The following TADA1 variants were observed in gnomAD, a reference collection of about 807,000 sequenced individuals.
TADA1 encodes transcriptional adapter 1.
A neutral mutation model predicts 39.3 loss-of-function variants in TADA1; 23 were observed. The observed-to-expected ratio is 0.58, with a 90% CI of 0.42 to 0.83. TADA1 has a LOEUF of 0.83. Ranked by LOEUF, TADA1 falls within the 40% of genes least tolerant of loss-of-function variation. The pLI, the probability that TADA1 is intolerant of heterozygous loss-of-function variation, is 0.00. For missense variants in TADA1, 352 were observed against 408.1 expected (o/e 0.86, Z 1.18); for synonymous variants, 137 against 151.8 (o/e 0.90, Z 0.72).
chr1:166,875,408 ACAG>A (rs1338073176), intron 1 of TADA1, among the ~76,000 whole-genome samples: 1 of 152,112 alleles, frequency 6.6e-6, no homozygotes, highest in African/African-American at 2.4e-5. Flanking sequence ...GGGATCCTTT[ACAG>A]CCCCTCTAAT....
At chr1:166,875,780 C>T (rs536027027) in intron 1 of TADA1, among the ~76,000 whole-genome samples, 1 of 152,210 alleles carries the variant, frequency 6.6e-6, no homozygotes, top group Non-Finnish European at 1.5e-5. Flanking sequence ...TGCGCTATGC[C>T]CTCTGGCTGG....
At chr1:166,866,529 T>C (rs1271530203) in intron 3 of TADA1, among the ~76,000 whole-genome samples, 1 of 152,222 alleles carries the variant, frequency 6.6e-6, no homozygotes, top group East Asian at 1.9e-4. Context: ...TTACTTGTAA[T>C]AGAAATCTTC....
intron 1 of TADA1, among the ~76,000 whole-genome samples, chr1:166,871,080 A>G (rs929867691): frequency 1.3e-5 from 2 of 152,250 alleles, no homozygotes. Flanking sequence ...CTGGCTGAAA[A>G]AAAAATGGGT....
Position 166,863,949 on chromosome 1 carries a change from G to A in TADA1, c.233-28C>T, listed in dbSNP as rs1007315041. The stretch of plus-strand genomic sequence containing the variant: ...AGGAGACAGAAATATATAACCATAA[G>A]TAAAAATAATGACAACTGATAACTG... On this transcript the variant is annotated intron_variant, in intron 3 of 7. Transcript: ENST00000367874. 5 of 1,558,144 alleles carry A rather than the reference G, an allele frequency of 3.2e-6. No homozygotes were observed. The African/African-American group carries it at 5.6e-5, about 18-fold the overall frequency.
intron 1 of TADA1, among the ~76,000 whole-genome samples, chr1:166,873,335 C>T (rs1450063115): frequency 6.6e-6 from 1 of 151,932 alleles, no homozygotes; most frequent in Non-Finnish European, 1.5e-5. Context: ...AATCAGGCAC[C>T]TATTTGAACA....
At position 166,857,857 on chromosome 1, in the gene TADA1, GATA is replaced by G. The variant is rs374054181; in HGVS notation, c.856-141_856-139del. ...ATACACTAAAATGAATCACCAATTG[GATA>G]ATAATAAGGAAATAACAAGCTTCTG... On this transcript the variant is annotated intron_variant, in intron 7 of 7. Transcript: ENST00000367874. The G allele has an allele frequency of 6.7e-6, 7 of 1,038,216 alleles. No individual in the cohort carries two copies. In the East Asian group the frequency reaches 1.0e-4, roughly 15 times the overall value. 64.3% of individuals were successfully genotyped at this position (1,038,216 alleles called of 1,614,324 possible).
At chr1:166,858,324 C>G (rs764115319) in intron 6 of TADA1, 43 bp from the exon 7 acceptor site, 1 of 1,467,796 alleles carries the variant, frequency 6.8e-7, no homozygotes, top group Non-Finnish European at 9.1e-7. Context: ...ACAGAGACAA[C>G]TGAGCAACAA....
At position 166,860,265 on chromosome 1, in the gene TADA1, T is replaced by G; in HGVS notation, c.613A>C (p.Lys205Gln). The change falls in exon 6 of 8, where the codon AAA (lysine) becomes CAA (glutamine). Residue 205 changes from lysine (K) to glutamine (Q), a missense_variant. Around this residue, in one of 3 missense-constraint regions of TADA1, gnomAD observed 285 missense variants for 310.9 expected, o/e 0.92. Transcript: ENST00000367874. Reference protein sequence around the residue: ...KAYRLRDGHFKYAFGSNVTPQ... With the variant: ...KAYRLRDGHFQYAFGSNVTPQ... ...GTCACGTTACTGCCAAAGGCATATT[T>G]AAAATGACCATCTCGTAACCGATAA... 6.2e-7 allele frequency: 1 copy of G among 1,614,174 alleles called. No individual in the cohort carries two copies. Among genetic ancestry groups the G allele is most frequent in the South Asian group, 1.1e-5 (1 of 91,080 alleles).
In TADA1 at chr1:166,869,528, G is replaced by C; in HGVS notation, c.167-18C>G. The stretch of plus-strand genomic sequence containing the variant: ...AGAATGGACTGAAAAAGGAAAGATA[G>C]TGACAATCAAATTCAAAACATTTTC... On this transcript the variant is annotated intron_variant, in intron 2 of 7. Coordinates refer to ENST00000367874, the MANE Select transcript of TADA1 (RefSeq NM_053053.4). The C allele has an allele frequency of 6.2e-7, 1 of 1,611,712 alleles. No individual in the cohort carries two copies. Among genetic ancestry groups the C allele is most frequent in the Non-Finnish European group, 8.5e-7 (1 of 1,178,432 alleles).
chr1:166,863,696 T>C (rs1158941144), intron 4 of TADA1, 128 bp downstream of exon 4: 3 of 849,784 alleles, frequency 3.5e-6, no homozygotes, highest in African/African-American at 3.5e-5. Flanking sequence ...ACGCTTTTCT[T>C]CCCAAATCAT....
intron 3 of TADA1, among the ~76,000 whole-genome samples, chr1:166,868,156 T>C (rs1396883246): frequency 6.6e-6 from 1 of 152,214 alleles, no homozygotes; most frequent in Non-Finnish European, 1.5e-5. Flanking sequence ...GTATGACTTT[T>C]ATCATGAGGA....
intron 1 of TADA1, among the ~76,000 whole-genome samples, chr1:166,875,830 C>T (rs1320286697): frequency 6.6e-6 from 1 of 152,248 alleles, no homozygotes; most frequent in Non-Finnish European, 1.5e-5. Flanking sequence ...AGTCAGCCTC[C>T]CGCATCCCGC....
At chr1:166,871,240 G>C (rs1229097958) in intron 1 of TADA1, among the ~76,000 whole-genome samples, 1 of 152,164 alleles carries the variant, frequency 6.6e-6, no homozygotes, top group Non-Finnish European at 1.5e-5. Flanking sequence ...AGGAATTAGA[G>C]TGAAATAATG....
chr1:166,868,126 A>C (rs1353507662), intron 3 of TADA1, among the ~76,000 whole-genome samples: 1 of 152,098 alleles, frequency 6.6e-6, no homozygotes, highest in Admixed American at 6.5e-5. Context: ...CATTTGGCCT[A>C]ATTTTTTTTA....
At position 166,862,334 on chromosome 1, in the gene TADA1, T is replaced by G. The variant is rs1348269093; in HGVS notation, c.409A>C (p.Lys137Gln). 1.9e-6 allele frequency: 3 copies of G among 1,614,214 alleles called. No homozygotes were observed. In the Admixed American group the frequency reaches 5.0e-5, roughly 27 times the overall value. The change falls in exon 5 of 8, where the codon AAA (lysine) becomes CAA (glutamine). Residue 137 changes from lysine to glutamine, a missense_variant. This residue lies in a region of TADA1 where 285 missense variants were observed against 310.9 expected (regional missense o/e 0.92). Coordinates refer to ENST00000367874, the MANE Select transcript of TADA1 (RefSeq NM_053053.4). ...AKDPQDDDDLKLCSHTMMLPT... is the reference protein window; with the variant it reads ...AKDPQDDDDLQLCSHTMMLPT... The stretch of plus-strand genomic sequence containing the variant: ...AGCATCATTGTGTGGGAACAAAGTT[T>G]CAAGTCGTCATCATCTTGGGGATCC...
intron 7 of TADA1, 46 bp from the exon 8 acceptor site, chr1:166,857,765 T>C (rs773379104): frequency 1.3e-6 from 2 of 1,589,216 alleles, no homozygotes; most frequent in Non-Finnish European, 1.7e-6. Context: ...TTGAGTAGAC[T>C]TATTTTTCTG....
At chr1:166,862,504 T>A (rs980529734) in intron 4 of TADA1, 92 bp from the exon 5 acceptor site, 1 of 1,004,502 alleles carries the variant, frequency 1.0e-6, no homozygotes, top group Non-Finnish European at 1.5e-6. Context: ...ATCCTCCAAA[T>A]TAATGCCACC....
intron 1 of TADA1, among the ~76,000 whole-genome samples, chr1:166,871,182 C>G (rs1658650251): frequency 6.6e-6 from 1 of 152,006 alleles, no homozygotes; most frequent in Admixed American, 6.6e-5. Flanking sequence ...TACTTGGTAA[C>G]TGGTAGAAAA....
chr1:166,858,961 G>A (rs926867528), intron 6 of TADA1, among the ~76,000 whole-genome samples: 2 of 152,242 alleles, frequency 1.3e-5, no homozygotes, highest in African/African-American at 2.4e-5. Context: ...AGGGCAGAGA[G>A]GGCTTGGGAG....
Sources: gnomAD v4.1 joint callset for allele counts (sites outside exome capture counted in the v4.1 genomes callset) on GRCh38, gnomAD v4.1.1 for gene constraint, gnomAD v4.1.1 regional missense constraint, MANE v1.5 for transcripts, NCBI Gene and HGNC (gene_info 2026-07-23, HGNC 2026-07-21) for gene names.